Variants in PIGK observed in about 807,000 individuals in gnomAD.
PIGK encodes the protein phosphatidylinositol glycan anchor biosynthesis class K.
A neutral mutation model predicts 50.6 loss-of-function variants in PIGK; 42 were observed. The ratio of observed to expected loss-of-function variants is 0.83; its 90% CI spans 0.65 to 1.07. PIGK has a LOEUF of 1.07. PIGK is among the 50% of genes least tolerant of loss of function. The pLI is 0.00. For missense variants in PIGK, 448 were observed against 488.7 expected (o/e 0.92, Z 0.78); for synonymous variants, 151 against 156.0 (o/e 0.97, Z 0.24).
At position 77,161,393 on chromosome 1, in the gene PIGK, G is replaced by T; in HGVS notation, c.715C>A (p.Pro239Thr). ...TCCATAAGATGGACTCCAATTGCAG[G>T]ATCAGGTTGATGCTATGGAAAGGGG... ...GEDSLSHQPD[P>T]AIGVHLMDRY... Residue 239 changes from proline (P) to threonine (T), a missense_variant, in exon 8 of 11, where the codon CCT becomes ACT. By Grantham distance (38) the Pro-to-Thr change is conservative (BLOSUM62 -1). Transcript: ENST00000370812. 6.4e-7 allele frequency: 1 copy of T among 1,561,202 alleles called. No individual in the cohort carries two copies. Among genetic ancestry groups the T allele is most frequent in the African/African-American group, 1.4e-5 (1 of 73,938 alleles).
chr1:77,189,732 TATATATATATATATATACACACAC>T (rs1302959748), intron 3 of PIGK, among the ~76,000 whole-genome samples: 80 of 32,566 alleles, frequency 2.5e-3, no homozygotes, highest in Middle Eastern at 0.017. Context: ...TATATATATA[TATATATATATATATATACACACAC>T]ACACACACAC....
At position 77,121,918 on chromosome 1, in the gene PIGK, T is replaced by C. The variant is rs375474453; in HGVS notation, c.1071+357A>G. 4.6e-5 allele frequency among the ~76,000 whole-genome samples: 7 copies of C among 152,284 alleles called. No individual in the cohort carries two copies. In the South Asian group the frequency reaches 1.4e-3, roughly 32 times the overall value. On this transcript the variant is annotated intron_variant, in intron 10 of 10. Coordinates refer to ENST00000370812, the MANE Select transcript of PIGK (RefSeq NM_005482.3). ...TTCTCTTTTTAGTGACTCCAAAAAATTACTCTCAATGATATTTTTGCAGCT... is the reference window on the plus strand; with the variant it reads ...TTCTCTTTTTAGTGACTCCAAAAAACTACTCTCAATGATATTTTTGCAGCT...
chr1:77,173,269 G>C (rs1400983579), intron 3 of PIGK, among the ~76,000 whole-genome samples: 1 of 152,088 alleles, frequency 6.6e-6, no homozygotes, highest in East Asian at 1.9e-4. Context: ...CTCATCTACG[G>C]ATGCCTACTG....
Position 77,140,317 on chromosome 1 carries a change from C to A in PIGK, c.986+14132G>T, listed in dbSNP as rs534649712. Among the ~76,000 whole-genome samples the A allele has an allele frequency of 9.9e-4, 151 of 152,110 alleles. 2 individuals carry two copies. In the South Asian group the frequency reaches 0.02, roughly 20 times the overall value. On this transcript the variant is annotated intron_variant, in intron 9 of 10. Transcript: ENST00000370812. ...CCTCCCTCCCTCTCTCTCTTGCTCT[C>A]ACTCTCTTACTCTCCCCCAACCCCC... is the stretch of plus-strand genomic sequence containing the variant.
At chr1:77,198,344 T>C (rs1012925001) in intron 3 of PIGK, among the ~76,000 whole-genome samples, 16 of 152,064 alleles carry the variant, frequency 1.1e-4, no homozygotes, top group Non-Finnish European at 1.5e-4. Context: ...TACATTTTTC[T>C]CATGTATAAA....
At chr1:77,188,916 T>C (rs1168968143) in intron 3 of PIGK, among the ~76,000 whole-genome samples, 1 of 152,198 alleles carries the variant, frequency 6.6e-6, no homozygotes, top group Non-Finnish European at 1.5e-5. Flanking sequence ...GCAAAAGGAA[T>C]ACAGGATGTA....
chr1:77,196,203 C>T lies in PIGK; in HGVS notation c.239+10437G>A, dbSNP rs534847308. Among the ~76,000 whole-genome samples, 791 of 152,264 alleles carry T rather than the reference C, an allele frequency of 5.2e-3. 11 individuals carry two copies. Among genetic ancestry groups the T allele is most frequent in the African/African-American group, 0.018 (749 of 41,536 alleles). On this transcript the variant is annotated intron_variant, in intron 3 of 10. Coordinates refer to ENST00000370812, the MANE Select transcript of PIGK (RefSeq NM_005482.3). ...CATAGTATTCCATGGTGTATATGTACCACATTTTCTTTATCCAGTCCAATG... is the reference window on the plus strand; with the variant it reads ...CATAGTATTCCATGGTGTATATGTATCACATTTTCTTTATCCAGTCCAATG...
intron 4 of PIGK, among the ~76,000 whole-genome samples, chr1:77,167,765 A>G (rs1570237475): frequency 6.6e-6 from 1 of 152,228 alleles, no homozygotes; most frequent in East Asian, 1.9e-4. Context: ...AAAAATAAAA[A>G]TTATTAATCC....
chr1:77,103,089 G>GA (rs1449610448), intron 10 of PIGK, among the ~76,000 whole-genome samples: 2 of 152,076 alleles, frequency 1.3e-5, no homozygotes, highest in Non-Finnish European at 2.9e-5. Context: ...CATATTGTTT[G>GA]TTTATTAGAA....
chr1:77,149,340 A>G (rs1654842593), intron 9 of PIGK, among the ~76,000 whole-genome samples: 1 of 152,120 alleles, frequency 6.6e-6, no homozygotes, highest in African/African-American at 2.4e-5. Context: ...AGACCCACCT[A>G]TATGTTGCCT....
At chr1:77,096,737 A>C (rs1299734356) in intron 10 of PIGK, among the ~76,000 whole-genome samples, 1 of 152,160 alleles carries the variant, frequency 6.6e-6, no homozygotes, top group African/African-American at 2.4e-5. Flanking sequence ...TAAATTACTA[A>C]GTTTGGAGTG....
At chr1:77,135,893 CT>C (rs1654499079) in intron 9 of PIGK, among the ~76,000 whole-genome samples, 1 of 151,744 alleles carries the variant, frequency 6.6e-6, no homozygotes, top group Admixed American at 6.6e-5. Context: ...GTTTATCTTA[CT>C]CCCCAAATAA....
At chr1:77,185,765 T>A (rs1655724911) in intron 3 of PIGK, among the ~76,000 whole-genome samples, 1 of 152,088 alleles carries the variant, frequency 6.6e-6, no homozygotes, top group Non-Finnish European at 1.5e-5. Context: ...GTGCTTGAGG[T>A]GTCAGTGGCA....
At position 77,171,436 on chromosome 1, in the gene PIGK, C is replaced by CAA. The variant is rs58788160; in HGVS notation, c.240-2043_240-2042dup. 4.5e-3 allele frequency among the ~76,000 whole-genome samples: 212 copies of CAA among 46,884 alleles called. 34 individuals carry two copies. The highest frequency in any genetic ancestry group is 4.9e-3 in the African/African-American group (65 of 13,396). The allele number at this position is 46,884 out of a possible 152,430, so 30.8% of individuals were successfully genotyped here. Reference sequence around the variant, plus strand: ...TGGGCAACAGAGCAAGACTCCACCTCAAAAAAAAAAAAAAAAAAAAAAAAA... The same window carrying CAA: ...TGGGCAACAGAGCAAGACTCCACCTCAAAAAAAAAAAAAAAAAAAAAAAAAAA... On this transcript the variant is annotated intron_variant, in intron 3 of 10. Transcript: ENST00000370812.
intron 5 of PIGK, among the ~76,000 whole-genome samples, chr1:77,165,741 C>T (rs559813797): frequency 1.1e-4 from 16 of 152,084 alleles, no homozygotes; most frequent in African/African-American, 3.9e-4. Context: ...CATGGGCATG[C>T]ACAGAGGAAA....
chr1:77,092,271 A>T lies in PIGK; in HGVS notation c.*103T>A, dbSNP rs1231785963. The T allele has an allele frequency of 3.4e-6, 2 of 587,000 alleles. No homozygotes were observed. Among genetic ancestry groups the T allele is most frequent in the Non-Finnish European group, 6.0e-6 (2 of 334,256 alleles). 36.4% of individuals were successfully genotyped at this position (587,000 alleles called of 1,614,324 possible). ...ATTCAAATTTAGTTTCCTTATACTT[A>T]TTTCCAATTCATACAAGAGAAACAC... On this transcript the variant is annotated 3_prime_UTR_variant, in exon 11 of 11. Coordinates refer to ENST00000370812, the MANE Select transcript of PIGK (RefSeq NM_005482.3).
intron 8 of PIGK, among the ~76,000 whole-genome samples, chr1:77,156,071 A>G (rs1420136958): frequency 6.6e-6 from 1 of 152,190 alleles, no homozygotes; most frequent in Non-Finnish European, 1.5e-5. Flanking sequence ...GACTCAGGAT[A>G]CAAATTAAAA....
chr1:77,105,976 A>C (rs925474162), intron 10 of PIGK, among the ~76,000 whole-genome samples: 2 of 152,238 alleles, frequency 1.3e-5, no homozygotes, highest in African/African-American at 2.4e-5. Flanking sequence ...AGAAAAACTA[A>C]AAATCTTAAT....
intron 3 of PIGK, among the ~76,000 whole-genome samples, chr1:77,192,944 T>C (rs1180847557): frequency 6.6e-6 from 1 of 152,172 alleles, no homozygotes; most frequent in Non-Finnish European, 1.5e-5. Flanking sequence ...TCTAAAACCA[T>C]ATCTGAATTT....
Sources: allele counts gnomAD v4.1 joint callset (sites outside exome capture counted in the v4.1 genomes callset), GRCh38; gene constraint gnomAD v4.1.1; transcripts MANE v1.5; gene names NCBI Gene and HGNC (gene_info 2026-07-23, HGNC 2026-07-21).